Variants in PEX5L observed in about 807,000 individuals in gnomAD.
PEX5L encodes the protein peroxisomal biogenesis factor 5 like, also known as PEX5-related protein.
PEX5L carries 30 observed loss-of-function variants against 84.0 expected under a neutral mutation model. The observed-to-expected ratio is 0.36, with a 90% confidence interval of 0.27 to 0.48. The LOEUF (loss-of-function observed/expected upper bound fraction) is 0.48. Ranked by LOEUF, PEX5L falls within the 20% of genes least tolerant of loss-of-function variation. PEX5L has a pLI of 0.99. For missense variants in PEX5L, 533 were observed against 754.6 expected, an observed-to-expected ratio of 0.71 and a Z score of 3.44; for synonymous variants, 270 against 283.1, an observed-to-expected ratio of 0.95 and a Z score of 0.46.
At chr3:179,804,449 C>T (rs1043192007) in intron 14 of PEX5L, 2 of 152,112 alleles carry the variant, frequency 1.3e-5, no homozygotes, top group Non-Finnish European at 2.9e-5. Flanking sequence ...CCAAAGGAGT[C>T]CTCATTTTTG....
At chr3:179,880,167 T>C (rs748613922) in intron 4 of PEX5L, 44 bp from the exon 5 acceptor site, 6 of 1,224,976 alleles carry the variant, frequency 4.9e-6, no homozygotes, top group South Asian at 3.1e-5. Context: ...TTTACTACTC[T>C]GAAATTATTT....
At chr3:179,850,307 A>C (rs1231416483) in intron 8 of PEX5L, among the ~76,000 whole-genome samples, 1 of 151,890 alleles carries the variant, frequency 6.6e-6, no homozygotes, top group African/African-American at 2.4e-5. Flanking sequence ...TTGTACTTTT[A>C]GTAGAGACGG....
chr3:180,002,102 G>A (rs1016470915), intron 1 of PEX5L, among the ~76,000 whole-genome samples: 12 of 151,974 alleles, frequency 7.9e-5, no homozygotes, highest in African/African-American at 2.9e-4. Context: ...TGTTATTCTA[G>A]GTATGAATGT....
intron 2 of PEX5L, among the ~76,000 whole-genome samples, chr3:179,909,999 G>T (rs1474257429): frequency 6.6e-6 from 1 of 152,174 alleles, no homozygotes; most frequent in Admixed American, 6.5e-5. Flanking sequence ...AAACTAAACA[G>T]TAATAGAACA....
chr3:179,823,035 T>C (rs879529868), intron 8 of PEX5L, among the ~76,000 whole-genome samples: 30 of 152,220 alleles, frequency 2.0e-4, no homozygotes, highest in Non-Finnish European at 4.4e-4. Flanking sequence ...AATGAGAAAA[T>C]GCATCCGTGG....
At chr3:179,904,831 ACAGT>A (rs891226712) in intron 2 of PEX5L, among the ~76,000 whole-genome samples, 11 of 152,030 alleles carry the variant, frequency 7.2e-5, no homozygotes, top group Non-Finnish European at 1.3e-4. Flanking sequence ...CGTCTCCTCG[ACAGT>A]CAGTGTGCTT....
intron 2 of PEX5L, among the ~76,000 whole-genome samples, chr3:179,958,887 G>C (rs1781294870): frequency 6.6e-6 from 1 of 152,016 alleles, no homozygotes; most frequent in Non-Finnish European, 1.5e-5. Flanking sequence ...AGTGTGTACA[G>C]GATTCTTCTG....
At chr3:179,849,167 T>C (rs2108430096) in intron 8 of PEX5L, among the ~76,000 whole-genome samples, 1 of 152,340 alleles carries the variant, frequency 6.6e-6, no homozygotes, top group African/African-American at 2.4e-5. Flanking sequence ...GAATCATCAA[T>C]ACCAGTTTCC....
At chr3:179,945,273 C>A (rs1049633267) in intron 2 of PEX5L, among the ~76,000 whole-genome samples, 1 of 152,134 alleles carries the variant, frequency 6.6e-6, no homozygotes, top group African/African-American at 2.4e-5. Context: ...TATTGGGACA[C>A]CAGGGCTGGG....
At chr3:179,843,561 C>A (rs938625814) in intron 8 of PEX5L, among the ~76,000 whole-genome samples, 1 of 152,150 alleles carries the variant, frequency 6.6e-6, no homozygotes, top group Admixed American at 6.5e-5. Flanking sequence ...AGAAAACAAG[C>A]AAACAACATA....
At chr3:179,975,212 A>AG (rs1785627273) in intron 1 of PEX5L, among the ~76,000 whole-genome samples, 1 of 152,186 alleles carries the variant, frequency 6.6e-6, no homozygotes, top group Admixed American at 6.5e-5. Context: ...AATTAAAAAA[A>AG]GAAAAACAAT....
intron 8 of PEX5L, among the ~76,000 whole-genome samples, chr3:179,838,177 C>T (rs1053247383): frequency 8.5e-5 from 13 of 152,136 alleles, no homozygotes; most frequent in Non-Finnish European, 1.9e-4. Flanking sequence ...GGCATTCCTT[C>T]TTATTACCTA....
intron 1 of PEX5L, among the ~76,000 whole-genome samples, chr3:179,976,209 CAAAGG>C (rs981321421): frequency 4.6e-5 from 7 of 152,096 alleles, no homozygotes; most frequent in African/African-American, 1.7e-4. Flanking sequence ...GGAATACAGT[CAAAGG>C]AAACAGAGTT....
chr3:179,996,331 G>A (rs1357031357), intron 1 of PEX5L, among the ~76,000 whole-genome samples: 3 of 152,166 alleles, frequency 2.0e-5, no homozygotes. Flanking sequence ...CATAGAGTTG[G>A]ATCAGGCTGA....
chr3:179,834,583 G>A (rs1316799096), intron 8 of PEX5L, among the ~76,000 whole-genome samples: 1 of 152,206 alleles, frequency 6.6e-6, no homozygotes, highest in Non-Finnish European at 1.5e-5. Flanking sequence ...GTAGGGCCGG[G>A]AGAGAGAAGG....
Position 179,937,416 on chromosome 3 carries a change from TA to T in PEX5L, c.93+34177del, listed in dbSNP as rs372730473. Among the ~76,000 whole-genome samples, 669 of 148,384 alleles carry T rather than the reference TA, an allele frequency of 4.5e-3. 11 individuals carry two copies. Among genetic ancestry groups the T allele is most frequent in the African/African-American group, 0.015 (623 of 40,486 alleles). ...CTGTAAATCTAAAACTACTCCAAAA[TA>T]AAAAAAAAAGTTTATTGAAAAAAAT... On this transcript the variant is annotated intron_variant, in intron 2 of 14. Coordinates refer to ENST00000467460, the MANE Select transcript of PEX5L (RefSeq NM_016559.3).
At chr3:179,978,827 T>C (rs555368749) in intron 1 of PEX5L, among the ~76,000 whole-genome samples, 5 of 152,228 alleles carry the variant, frequency 3.3e-5, no homozygotes, top group Admixed American at 3.3e-4. Flanking sequence ...ATCAAAGCGT[T>C]AGGATTTTTA....
At chr3:179,934,595 G>C (rs1174147094) in intron 2 of PEX5L, among the ~76,000 whole-genome samples, 2 of 152,116 alleles carry the variant, frequency 1.3e-5, no homozygotes, top group East Asian at 1.9e-4. Context: ...TTCAGTTATT[G>C]TTTTCAAAGT....
chr3:179,887,862 C>T (rs1756396710), intron 3 of PEX5L, 78 bp from the exon 4 acceptor site: 1 of 916,666 alleles, frequency 1.1e-6, no homozygotes. Flanking sequence ...AGCCTTGCAA[C>T]AAAATGAGAA....
Sources: gnomAD v4.1 joint callset for allele counts (sites outside exome capture counted in the v4.1 genomes callset) on GRCh38, gnomAD v4.1.1 for gene constraint, MANE v1.5 for transcripts, NCBI Gene and HGNC (gene_info 2026-07-23, HGNC 2026-07-21) for gene names.